Variants in APP observed in about 807,000 individuals in gnomAD.
APP encodes amyloid beta precursor protein.
In APP, 31 loss-of-function variants were observed where a neutral mutation model predicts 101.4. The observed-to-expected ratio is 0.31, with a 90% confidence interval of 0.23 to 0.41. The LOEUF (loss-of-function observed/expected upper bound fraction) is 0.41. Among genes scored for constraint, APP ranks in the 10% least tolerant of loss-of-function variants. The pLI is 1.00. For synonymous variants in APP, 366 were observed against 364.4 expected (o/e 1.00, Z -0.05); for missense variants, 839 against 1,003.7 (o/e 0.84, Z 2.22).
intron 2 of APP, among the ~76,000 whole-genome samples, chr21:26,107,270 G>A (rs945432917): frequency 1.3e-5 from 2 of 152,204 alleles, no homozygotes; most frequent in Non-Finnish European, 2.9e-5. Context: ...CGATATTCCA[G>A]ATAATTCCAG....
chr21:26,011,097 C>T (rs903946489), intron 6 of APP, among the ~76,000 whole-genome samples: 19 of 151,714 alleles, frequency 1.3e-4, no homozygotes, highest in African/African-American at 3.9e-4. Context: ...ATTTTTGAGA[C>T]GGCATCTCAG....
At chr21:25,961,475 T>C (rs2041576894) in intron 11 of APP, among the ~76,000 whole-genome samples, 1 of 152,226 alleles carries the variant, frequency 6.6e-6, no homozygotes, top group Non-Finnish European at 1.5e-5. Flanking sequence ...TATATTTTTG[T>C]TGAGGTTAAA....
intron 1 of APP, among the ~76,000 whole-genome samples, chr21:26,125,302 A>G (rs1048710073): frequency 2.6e-5 from 4 of 152,222 alleles, no homozygotes; most frequent in African/African-American, 9.6e-5. Flanking sequence ...CTCTTAAAAA[A>G]ACATTAAAAG....
At chr21:25,971,403 G>A (rs1310260011) in intron 11 of APP, among the ~76,000 whole-genome samples, 2 of 152,220 alleles carry the variant, frequency 1.3e-5, no homozygotes, top group Non-Finnish European at 2.9e-5. Flanking sequence ...TTCCTGAAAA[G>A]GGGAAACAAA....
chr21:25,993,407 C>T (rs527625162), intron 8 of APP, among the ~76,000 whole-genome samples: 1 of 152,248 alleles, frequency 6.6e-6, no homozygotes, highest in South Asian at 2.1e-4. Context: ...TAAGATGAAA[C>T]AGAGAGGAGA....
chr21:26,106,500 T>C (rs1001455405), intron 2 of APP, among the ~76,000 whole-genome samples: 1 of 152,150 alleles, frequency 6.6e-6, no homozygotes, highest in African/African-American at 2.4e-5. Context: ...GGCAATCACA[T>C]ATCCACTGGA....
At chr21:25,910,316 C>T (rs150569021) in intron 14 of APP, among the ~76,000 whole-genome samples, 1 of 151,790 alleles carries the variant, frequency 6.6e-6, no homozygotes, top group Non-Finnish European at 1.5e-5. Flanking sequence ...ATTTTTAGTA[C>T]AGACGGGGTT....
chr21:26,147,433 C>T (rs746828285), intron 1 of APP, among the ~76,000 whole-genome samples: 1 of 152,100 alleles, frequency 6.6e-6, no homozygotes, highest in Non-Finnish European at 1.5e-5. Context: ...TTGAATGCTG[C>T]CCTTTATATA....
At chr21:26,171,103 G>T (rs2063736292), upstream of APP, 1 of 153,312 alleles carries the variant, frequency 6.5e-6, no homozygotes, top group African/African-American at 2.4e-5. Flanking sequence ...GCTCCTGCTC[G>T]TCCCCGTGAG....
At chr21:25,933,200 G>T (rs906733897) in intron 13 of APP, among the ~76,000 whole-genome samples, 1 of 152,190 alleles carries the variant, frequency 6.6e-6, no homozygotes, top group Non-Finnish European at 1.5e-5. Context: ...CTGGGCTCAA[G>T]TGATCTTCTC....
intron 1 of APP, among the ~76,000 whole-genome samples, chr21:26,137,045 C>A (rs1489583062): frequency 1.0e-5 from 1 of 97,890 alleles, no homozygotes; most frequent in Non-Finnish European, 1.8e-5. Flanking sequence ...AGAGATCCTC[C>A]CGCCTCCACC....
At chr21:26,001,258 T>C (rs1004320164) in intron 6 of APP, among the ~76,000 whole-genome samples, 1 of 152,196 alleles carries the variant, frequency 6.6e-6, no homozygotes, top group Admixed American at 6.5e-5. Flanking sequence ...AGTCAATCAG[T>C]GACCCATCCA....
chr21:25,892,694 G>A (rs968979002), intron 16 of APP, among the ~76,000 whole-genome samples: 2 of 152,136 alleles, frequency 1.3e-5, no homozygotes, highest in Admixed American at 6.5e-5. Context: ...ACATTGTAAA[G>A]AAGGAATAAA....
intron 16 of APP, among the ~76,000 whole-genome samples, chr21:25,893,974 T>C (rs1288512419): frequency 6.6e-6 from 1 of 152,204 alleles, no homozygotes; most frequent in Non-Finnish European, 1.5e-5. Context: ...GCGACTTTGT[T>C]TTTGAAGCCA....
In APP at chr21:25,955,711, T is replaced by A; in HGVS notation, c.1503A>T (p.Glu501Asp). The A allele has an allele frequency of 6.2e-7, 1 of 1,614,156 alleles. No homozygotes were observed. Among genetic ancestry groups the A allele is most frequent in the Non-Finnish European group, 8.5e-7 (1 of 1,180,022 alleles). Residue 501 changes from glutamate to aspartate, a missense_variant, in exon 12 of 18, where the codon GAA becomes GAT. Physicochemically the swap from Glu to Asp is conservative, Grantham distance 45. Coordinates refer to ENST00000346798, the MANE Select transcript of APP (RefSeq NM_000484.4). Reference sequence around the variant, plus strand: ...TTAGGGTGTGCTGTCTGTCCTTCTGTTCTGCGCGGACATACTTCTTTAGCA... The same window carrying A: ...TTAGGGTGTGCTGTCTGTCCTTCTGATCTGCGCGGACATACTTCTTTAGCA... ...FNMLKKYVRAEQKDRQHTLKH... is the reference protein window; with the variant it reads ...FNMLKKYVRADQKDRQHTLKH...
intron 5 of APP, among the ~76,000 whole-genome samples, chr21:26,040,023 C>T (rs2045301206): frequency 6.6e-6 from 1 of 151,898 alleles, no homozygotes; most frequent in Non-Finnish European, 1.5e-5. Context: ...TATTTCCATA[C>T]ATATAAGATA....
chr21:26,132,471 G>A (rs1184485231), intron 1 of APP, among the ~76,000 whole-genome samples: 2 of 152,106 alleles, frequency 1.3e-5, no homozygotes, highest in Admixed American at 6.6e-5. Flanking sequence ...TAATATTCAA[G>A]ATGTAAAATA....
intron 13 of APP, among the ~76,000 whole-genome samples, chr21:25,944,904 T>C (rs1279676728): frequency 3.3e-5 from 5 of 152,228 alleles, no homozygotes; most frequent in Non-Finnish European, 5.9e-5. Flanking sequence ...TTCCCAATCA[T>C]TTTAATTTGG....
Position 25,988,702 on chromosome 21 carries a change from CAA to C in APP, c.1091-6227_1091-6226del, listed in dbSNP as rs537417600. ...GGGTGATAACAGCGAAACTCTGTCT[CAA>C]AAAAAAAAAAAAAAAAAAAGGAGAC... On this transcript the variant is annotated intron_variant, in intron 8 of 17. Transcript: ENST00000346798. Among the ~76,000 whole-genome samples, 485 of 62,354 alleles carry C rather than the reference CAA, an allele frequency of 7.8e-3. 3 individuals are homozygous for C. The highest frequency in any genetic ancestry group is 0.025 in the African/African-American group (395 of 15,584). 40.9% of individuals were successfully genotyped at this position (62,354 alleles called of 152,430 possible).
Sources: gnomAD v4.1 joint callset for allele counts (sites outside exome capture counted in the v4.1 genomes callset) on GRCh38, gnomAD v4.1.1 for gene constraint, MANE v1.5 for transcripts, NCBI Gene and HGNC (gene_info 2026-07-23, HGNC 2026-07-21) for gene names.